The following ZNF407 variants were observed in gnomAD, a reference collection of about 807,000 sequenced individuals.
The protein encoded by ZNF407 is zinc finger protein 407.
In ZNF407, 17 loss-of-function variants were observed where a neutral mutation model predicts 131.2. That is an observed-to-expected ratio of 0.13 (90% CI 0.09 to 0.19). The LOEUF (loss-of-function observed/expected upper bound fraction) is 0.19, where lower values mean the gene tolerates loss of function less well. Ranked by LOEUF, ZNF407 falls within the 10% of genes least tolerant of loss-of-function variation. ZNF407 has a pLI of 1.00. For synonymous variants in ZNF407, 1,156 were observed against 1,062.0 expected (o/e 1.09, Z -1.72); for missense variants, 2,681 against 2,830.6 (o/e 0.95, Z 1.20).
chr18:74,687,616 T>C (rs887326982), intron 3 of ZNF407, among the ~76,000 whole-genome samples: 1 of 152,172 alleles, frequency 6.6e-6, no homozygotes, highest in Non-Finnish European at 1.5e-5. Flanking sequence ...ATATAAGGAA[T>C]TAAACAAAGA....
chr18:74,623,054 A>C (rs1983609773), intron 1 of ZNF407, among the ~76,000 whole-genome samples: 1 of 149,598 alleles, frequency 6.7e-6, no homozygotes, highest in Non-Finnish European at 1.5e-5. Flanking sequence ...GAATGAGTGC[A>C]TGTGAGTGAA....
At chr18:74,942,547 T>C (rs1972111353) in intron 8 of ZNF407, among the ~76,000 whole-genome samples, 1 of 152,236 alleles carries the variant, frequency 6.6e-6, no homozygotes, top group African/African-American at 2.4e-5. Context: ...TTTTAATCTT[T>C]CTGACCTGAA....
chr18:74,772,785 C>T (rs544415874), intron 3 of ZNF407, among the ~76,000 whole-genome samples: 16 of 152,116 alleles, frequency 1.1e-4, no homozygotes, highest in South Asian at 2.1e-4. Flanking sequence ...AGGTGTGTCA[C>T]GGGGGTATGT....
At chr18:74,739,850 G>T (rs1178306628) in intron 3 of ZNF407, among the ~76,000 whole-genome samples, 1 of 152,090 alleles carries the variant, frequency 6.6e-6, no homozygotes, top group East Asian at 1.9e-4. Flanking sequence ...TTCTATACAA[G>T]TAAAAAATAT....
At chr18:74,686,063 A>G (rs989234276) in intron 3 of ZNF407, among the ~76,000 whole-genome samples, 2 of 152,228 alleles carry the variant, frequency 1.3e-5, no homozygotes, top group Non-Finnish European at 2.9e-5. Context: ...TGCGTTACAT[A>G]TAGGTATGGC....
rs375221414 is a variant in ZNF407, at chr18:74,980,702, T to A, written c.5428+60010T>A. Reference sequence around the variant, plus strand: ...GATGATAGTTTCCAACCTAAGAAGATTCATTTGCAGGCATGAGTGACATGA... The same window carrying A: ...GATGATAGTTTCCAACCTAAGAAGAATCATTTGCAGGCATGAGTGACATGA... On this transcript the variant is annotated intron_variant, in intron 8 of 8. Transcript: ENST00000299687. Among the ~76,000 whole-genome samples, 584 of 152,308 alleles carry A rather than the reference T, an allele frequency of 3.8e-3. 11 individuals are homozygous for A. Among genetic ancestry groups the A allele is most frequent in the African/African-American group, 0.013 (555 of 41,566 alleles).
chr18:75,004,518 G>A lies in ZNF407; in HGVS notation c.5429-58632G>A, dbSNP rs142315122. On this transcript the variant is annotated intron_variant, in intron 8 of 8. Coordinates refer to ENST00000299687, the MANE Select transcript of ZNF407 (RefSeq NM_017757.3). ...GTGCTTCCTCGGGAATAAAACGAGA[G>A]CGGCATTGGGTGCGCAGAGCCAGGG... 2.2e-3 allele frequency among the ~76,000 whole-genome samples: 333 copies of A among 152,266 alleles called. 4 individuals carry two copies. The highest frequency in any genetic ancestry group is 7.8e-3 in the African/African-American group (324 of 41,554).
chr18:74,954,805 C>T (rs919399539), intron 8 of ZNF407, among the ~76,000 whole-genome samples: 14 of 152,194 alleles, frequency 9.2e-5, no homozygotes, highest in African/African-American at 2.7e-4. Flanking sequence ...ACTTCATCAA[C>T]ACCATCATTG....
At position 74,794,942 on chromosome 18, in the gene ZNF407, A is replaced by G. The variant is rs185326018; in HGVS notation, c.4877+13440A>G. On this transcript the variant is annotated intron_variant, in intron 4 of 8. Transcript: ENST00000299687. ...GTTTTTTGATGAAAGAGAATGTATAAAAAATAGATAAGTGAATATATTTGT... is the reference window on the plus strand; with the variant it reads ...GTTTTTTGATGAAAGAGAATGTATAGAAAATAGATAAGTGAATATATTTGT... Among the ~76,000 whole-genome samples the G allele has an allele frequency of 1.3e-4, 20 of 152,266 alleles. No homozygotes were observed. In the East Asian group the frequency reaches 3.9e-3, roughly 29 times the overall value.
At chr18:74,674,965 T>C (rs539982576) in intron 3 of ZNF407, among the ~76,000 whole-genome samples, 13 of 152,336 alleles carry the variant, frequency 8.5e-5, no homozygotes, top group African/African-American at 3.1e-4. Context: ...GGCACCAGAC[T>C]TGTGCATTTT....
At chr18:75,046,701 G>A (rs1973439671) in intron 8 of ZNF407, among the ~76,000 whole-genome samples, 1 of 151,172 alleles carries the variant, frequency 6.6e-6, no homozygotes, top group Non-Finnish European at 1.5e-5. Context: ...GAGAATCTGT[G>A]AGAATCAATC....
intron 1 of ZNF407, among the ~76,000 whole-genome samples, chr18:74,603,543 T>G (rs1319347338): frequency 6.6e-6 from 1 of 152,216 alleles, no homozygotes; most frequent in Non-Finnish European, 1.5e-5. Flanking sequence ...GGCCACGTAA[T>G]CAGTACCTGA....
chr18:74,935,001 G>A (rs999183445), intron 8 of ZNF407, among the ~76,000 whole-genome samples: 1 of 152,096 alleles, frequency 6.6e-6, no homozygotes, highest in Non-Finnish European at 1.5e-5. Flanking sequence ...TGCTGCTCTT[G>A]AGTGACAAGA....
chr18:74,619,609 G>A (rs1354345223), intron 1 of ZNF407, among the ~76,000 whole-genome samples: 2 of 152,078 alleles, frequency 1.3e-5, no homozygotes, highest in Admixed American at 6.5e-5. Context: ...GAAAGGAGGG[G>A]CTCTATCACA....
intron 3 of ZNF407, among the ~76,000 whole-genome samples, chr18:74,647,304 T>C (rs1985016431): frequency 6.6e-6 from 1 of 152,004 alleles, no homozygotes. Flanking sequence ...ATTAGCTGTG[T>C]GTGGTGGTGC....
intron 3 of ZNF407, among the ~76,000 whole-genome samples, chr18:74,655,240 C>T (rs1483872618): frequency 6.6e-6 from 1 of 151,938 alleles, no homozygotes; most frequent in Non-Finnish European, 1.5e-5. Context: ...GTCATTAACA[C>T]TTGTGTTGGC....
intron 3 of ZNF407, among the ~76,000 whole-genome samples, chr18:74,722,288 T>A (rs1968057300): frequency 6.6e-6 from 1 of 152,242 alleles, no homozygotes; most frequent in Non-Finnish European, 1.5e-5. Context: ...TCCGGCTCAT[T>A]CTTAAAATTT....
chr18:74,640,370 T>C (rs1456105983), intron 2 of ZNF407, among the ~76,000 whole-genome samples: 1 of 152,186 alleles, frequency 6.6e-6, no homozygotes, highest in Non-Finnish European at 1.5e-5. Flanking sequence ...AAAATGTCAG[T>C]TCTTCCAGTT....
At chr18:74,667,469 C>G (rs1157996141) in intron 3 of ZNF407, among the ~76,000 whole-genome samples, 1 of 152,200 alleles carries the variant, frequency 6.6e-6, no homozygotes, top group Non-Finnish European at 1.5e-5. Flanking sequence ...ACAATGACAG[C>G]AGCAGCTGTT....
Sources: allele counts gnomAD v4.1 joint callset (sites outside exome capture counted in the v4.1 genomes callset), GRCh38; gene constraint gnomAD v4.1.1; transcripts MANE v1.5; gene names NCBI Gene and HGNC (gene_info 2026-07-23, HGNC 2026-07-21).